EYS: variants seen among roughly 807,000 people sequenced by gnomAD.
EYS encodes the protein EGF-like photoreceptor maintenance factor, also known as protein eyes shut homolog.
In EYS, 250 loss-of-function variants were observed where a neutral mutation model predicts 282.1. That is an observed-to-expected ratio of 0.89 (90% CI 0.80 to 0.98). EYS has a LOEUF of 0.98. Among genes scored for constraint, EYS ranks in the 50% least tolerant of loss-of-function variants. The probability of loss-of-function intolerance (pLI) is 0.00; values close to 1 mark genes in which losing one functional copy is unlikely to be tolerated. For synonymous variants in EYS, 1,355 were observed against 1,282.9 expected (o/e 1.06, Z -1.20); for missense variants, 4,016 against 3,709.0 (o/e 1.08, Z -2.15).
chr6:64,118,916 CAT>C (rs1441340526), intron 31 of EYS, among the ~76,000 whole-genome samples: 1 of 152,012 alleles, frequency 6.6e-6, no homozygotes, highest in African/African-American at 2.4e-5. Flanking sequence ...TCTGAAAAGA[CAT>C]AGGAATAGCC....
chr6:64,939,963 A>G (rs1477836916), intron 15 of EYS, among the ~76,000 whole-genome samples: 1 of 152,050 alleles, frequency 6.6e-6, no homozygotes, highest in Non-Finnish European at 1.5e-5. Context: ...AAAGACTAAC[A>G]AAACAATCCC....
intron 29 of EYS, among the ~76,000 whole-genome samples, chr6:64,370,221 G>A (rs564498609): frequency 5.3e-5 from 8 of 152,164 alleles, no homozygotes; most frequent in Non-Finnish European, 1.0e-4. Context: ...TTTGTTGAGG[G>A]TTTTTAACAT....
At chr6:65,254,728 G>A (rs1324605546) in intron 12 of EYS, among the ~76,000 whole-genome samples, 1 of 151,720 alleles carries the variant, frequency 6.6e-6, no homozygotes, top group Non-Finnish European at 1.5e-5. Context: ...TGGATGTTTG[G>A]TGCCTTGCGG....
At chr6:64,207,267 C>G (rs1235832380) in intron 31 of EYS, among the ~76,000 whole-genome samples, 1 of 151,826 alleles carries the variant, frequency 6.6e-6, no homozygotes, top group Non-Finnish European at 1.5e-5. Flanking sequence ...CCCATTTTGT[C>G]TCTATCTTGT....
chr6:65,014,955 G>T (rs1396145392), intron 13 of EYS, among the ~76,000 whole-genome samples: 1 of 152,084 alleles, frequency 6.6e-6, no homozygotes, highest in African/African-American at 2.4e-5. Context: ...TAAGAGAGAG[G>T]CAAGAAGTTT....
At chr6:65,137,445 A>G (rs1430172785) in intron 12 of EYS, among the ~76,000 whole-genome samples, 2 of 152,100 alleles carry the variant, frequency 1.3e-5, no homozygotes, top group East Asian at 1.9e-4. Context: ...ATAAAGACTG[A>G]CCACTTGATA....
intron 15 of EYS, among the ~76,000 whole-genome samples, chr6:64,914,469 C>T (rs1464974829): frequency 1.3e-5 from 2 of 151,764 alleles, no homozygotes; most frequent in African/African-American, 2.4e-5. Context: ...CTTTGTGATA[C>T]AGAATATCTT....
chr6:64,597,530 A>T lies in EYS; in HGVS notation c.3685-4221T>A, dbSNP rs556491928. ...CACAATGGAATACTAGTCAGCCATA[A>T]AAAGAATTAAATCAGGTGTTTTGTA... On this transcript the variant is annotated intron_variant, in intron 24 of 42. Transcript: ENST00000503581. 4.6e-5 allele frequency among the ~76,000 whole-genome samples: 7 copies of T among 152,328 alleles called. No homozygotes were observed. The East Asian group carries it at 1.3e-3, about 29-fold the overall frequency.
At chr6:65,282,240 T>A (rs1336057108) in intron 12 of EYS, among the ~76,000 whole-genome samples, 1 of 152,058 alleles carries the variant, frequency 6.6e-6, no homozygotes, top group Non-Finnish European at 1.5e-5. Context: ...AATGTTCTCA[T>A]CACAAACATA....
intron 2 of EYS, among the ~76,000 whole-genome samples, chr6:65,519,704 ATATATTTTT>A (rs1342366516): frequency 8.3e-5 from 3 of 36,238 alleles, no homozygotes; most frequent in African/African-American, 4.6e-4. Context: ...ATATATATAT[ATATATTTTT>A]TTTTTTTTTT....
chr6:65,527,327 G>A (rs1271737052), intron 2 of EYS, among the ~76,000 whole-genome samples: 2 of 152,036 alleles, frequency 1.3e-5, no homozygotes, highest in African/African-American at 4.8e-5. Context: ...AATATACTGG[G>A]GTATGACTCA....
intron 30 of EYS, among the ~76,000 whole-genome samples, chr6:64,242,573 G>A (rs1310705853): frequency 1.3e-5 from 2 of 151,460 alleles, no homozygotes; most frequent in African/African-American, 2.4e-5. Context: ...CATTTTTCTT[G>A]TTGTATTACT....
chr6:64,850,422 C>G (rs2150041288), intron 19 of EYS, among the ~76,000 whole-genome samples: 1 of 152,020 alleles, frequency 6.6e-6, no homozygotes, highest in African/African-American at 2.4e-5. Flanking sequence ...ATACATGACC[C>G]CCATAATCTC....
chr6:65,155,925 C>A (rs1456963490), intron 12 of EYS, among the ~76,000 whole-genome samples: 1 of 151,380 alleles, frequency 6.6e-6, no homozygotes, highest in Non-Finnish European at 1.5e-5. Context: ...ATTTAATAAA[C>A]AGTGAGAATA....
At position 64,346,730 on chromosome 6, in the gene EYS, A is replaced by G. The variant is rs1268841998; in HGVS notation, c.6079-39648T>C. Among the ~76,000 whole-genome samples, 4 of 151,424 alleles carry G rather than the reference A, an allele frequency of 2.6e-5. 1 individual carries two copies. The Admixed American group carries it at 2.6e-4, about 10-fold the overall frequency. ...TAATAAAATTAAACAAAACAAAACA[A>G]AAAAACATTTTCAGTCAATAGATGT... is the stretch of plus-strand genomic sequence containing the variant. On this transcript the variant is annotated intron_variant, in intron 29 of 42. Coordinates refer to ENST00000503581, the MANE Select transcript of EYS (RefSeq NM_001142800.2).
intron 26 of EYS, among the ~76,000 whole-genome samples, chr6:64,550,104 T>C (rs1363568801): frequency 6.6e-6 from 1 of 152,230 alleles, no homozygotes; most frequent in South Asian, 2.1e-4. Context: ...CCATGGTGTA[T>C]ATGTGCCACA....
intron 1 of EYS, among the ~76,000 whole-genome samples, chr6:65,699,361 CCTTA>C (rs1302544416): frequency 3.3e-5 from 5 of 151,808 alleles, no homozygotes; most frequent in East Asian, 1.9e-4. Flanking sequence ...TATGAATTTC[CCTTA>C]CTTAATAAAT....
At chr6:64,718,582 A>G (rs1771471634) in intron 22 of EYS, among the ~76,000 whole-genome samples, 1 of 152,166 alleles carries the variant, frequency 6.6e-6, no homozygotes, top group African/African-American at 2.4e-5. Context: ...TCTCCACCTT[A>G]ACATTCACGC....
intron 31 of EYS, among the ~76,000 whole-genome samples, chr6:64,113,079 T>C (rs1773261212): frequency 6.6e-6 from 1 of 152,122 alleles, no homozygotes; most frequent in Admixed American, 6.6e-5. Flanking sequence ...TACCAGTTGA[T>C]AAACAAAAAG....
Sources: gnomAD v4.1 joint callset for allele counts (sites outside exome capture counted in the v4.1 genomes callset) on GRCh38, gnomAD v4.1.1 for gene constraint, MANE v1.5 for transcripts, NCBI Gene and HGNC (gene_info 2026-07-23, HGNC 2026-07-21) for gene names.